Variants in SIPA1L1 observed in about 807,000 individuals in gnomAD.
SIPA1L1 encodes signal induced proliferation associated 1 like 1.
A neutral mutation model predicts 162.7 loss-of-function variants in SIPA1L1; 26 were observed. The ratio of observed to expected loss-of-function variants is 0.16; its 90% confidence interval spans 0.12 to 0.22. The LOEUF (loss-of-function observed/expected upper bound fraction) is 0.22, where lower values mean the gene tolerates loss of function less well. Ranked by LOEUF, SIPA1L1 falls within the 10% of genes least tolerant of loss-of-function variation. The pLI is 1.00. For missense variants in SIPA1L1, 1,874 were observed against 2,241.0 expected (o/e 0.84, Z 3.31); for synonymous variants, 829 against 837.4 (o/e 0.99, Z 0.17).
intron 2 of SIPA1L1, among the ~76,000 whole-genome samples, chr14:71,364,958 G>C (rs144006684): frequency 1.4e-3 from 210 of 152,178 alleles, no homozygotes; most frequent in Non-Finnish European, 2.5e-3. Context: ...TGTTGGCCAG[G>C]CTGGTCTCGA....
chr14:71,340,650 G>C (rs1400851582), intron 2 of SIPA1L1, among the ~76,000 whole-genome samples: 1 of 152,138 alleles, frequency 6.6e-6, no homozygotes, highest in Non-Finnish European at 1.5e-5. Context: ...TTGCATAAGA[G>C]TTAATACCAT....
chr14:71,529,519 G>C (rs1376357972), intron 4 of SIPA1L1, 149 bp downstream of exon 4: 5 of 518,830 alleles, frequency 9.6e-6, no homozygotes, highest in African/African-American at 7.6e-5. Context: ...TTTGTCATCT[G>C]CTTTTTGAAT....
chr14:71,370,926 A>T (rs1447967254), intron 2 of SIPA1L1, among the ~76,000 whole-genome samples: 3 of 152,164 alleles, frequency 2.0e-5, no homozygotes. Flanking sequence ...GCTCTGCAGT[A>T]TCTATTCTAT....
chr14:71,627,609 G>A (rs945556902), intron 7 of SIPA1L1, among the ~76,000 whole-genome samples: 2 of 152,172 alleles, frequency 1.3e-5, no homozygotes, highest in South Asian at 2.1e-4. Context: ...AGTACAGTTG[G>A]GGGCATCTCA....
intron 2 of SIPA1L1, among the ~76,000 whole-genome samples, chr14:71,493,749 T>G (rs1193271400): frequency 1.3e-5 from 2 of 152,210 alleles, no homozygotes; most frequent in Non-Finnish European, 2.9e-5. Flanking sequence ...TTTATTCAAA[T>G]GGATTAAGAA....
chr14:71,388,066 A>G (rs1249449587), intron 2 of SIPA1L1, among the ~76,000 whole-genome samples: 2 of 152,234 alleles, frequency 1.3e-5, no homozygotes, highest in Non-Finnish European at 2.9e-5. Flanking sequence ...TACTTCATAC[A>G]AGGTGTTCAA....
chr14:71,538,090 CCTT>C (rs1455785481), intron 4 of SIPA1L1, among the ~76,000 whole-genome samples: 1 of 152,150 alleles, frequency 6.6e-6, no homozygotes, highest in Non-Finnish European at 1.5e-5. Flanking sequence ...ATGAATTCCT[CCTT>C]CATCAGTTCT....
intron 2 of SIPA1L1, among the ~76,000 whole-genome samples, chr14:71,435,256 A>G (rs1419730690): frequency 6.6e-6 from 1 of 152,038 alleles, no homozygotes; most frequent in East Asian, 1.9e-4. Context: ...TACATGCGCC[A>G]TGTTGGTGTG....
chr14:71,406,023 G>A (rs1446995538), intron 2 of SIPA1L1, among the ~76,000 whole-genome samples: 4 of 152,220 alleles, frequency 2.6e-5, no homozygotes, highest in African/African-American at 7.2e-5. Flanking sequence ...GGAATCTGGG[G>A]TAGCGTCTCG....
intron 5 of SIPA1L1, among the ~76,000 whole-genome samples, chr14:71,614,404 C>G (rs1158660854): frequency 6.6e-6 from 1 of 151,834 alleles, no homozygotes; most frequent in East Asian, 1.9e-4. Context: ...GACAGTGGAC[C>G]AAAACAGAGC....
chr14:71,724,588 A>G, intron 18 of SIPA1L1, 82 bp from the exon 19 acceptor site: 1 of 1,085,310 alleles, frequency 9.2e-7, no homozygotes, highest in African/African-American at 1.6e-5. Context: ...ACTTATATTG[A>G]CTTACATCCT....
At chr14:71,430,247 T>C (rs887077400) in intron 2 of SIPA1L1, among the ~76,000 whole-genome samples, 1 of 151,558 alleles carries the variant, frequency 6.6e-6, no homozygotes, top group African/African-American at 2.4e-5. Context: ...TTTATTCTTT[T>C]CCTTTTTTTT....
chr14:71,492,511 A>T (rs562269312), intron 2 of SIPA1L1, among the ~76,000 whole-genome samples: 1 of 152,178 alleles, frequency 6.6e-6, no homozygotes, highest in African/African-American at 2.4e-5. Context: ...AGTTTTCTGG[A>T]TATAGGTCAT....
chr14:71,414,847 C>A (rs1566992357), intron 2 of SIPA1L1, among the ~76,000 whole-genome samples: 3 of 152,158 alleles, frequency 2.0e-5, no homozygotes, highest in African/African-American at 7.2e-5. Context: ...CTTCGAGTGA[C>A]TGTACTGGCT....
intron 2 of SIPA1L1, among the ~76,000 whole-genome samples, chr14:71,487,066 G>A (rs544160777): frequency 6.6e-6 from 1 of 152,106 alleles, no homozygotes; most frequent in Non-Finnish European, 1.5e-5. Flanking sequence ...CTGATGGCAC[G>A]GTGGTCTTTC....
intron 2 of SIPA1L1, among the ~76,000 whole-genome samples, chr14:71,429,931 A>G (rs549071170): frequency 2.6e-5 from 4 of 152,364 alleles, no homozygotes; most frequent in East Asian, 3.9e-4. Flanking sequence ...GTAAATTACT[A>G]TAATTACCAT....
intron 2 of SIPA1L1, among the ~76,000 whole-genome samples, chr14:71,472,099 C>A (rs996194604): frequency 6.6e-6 from 1 of 152,128 alleles, no homozygotes; most frequent in Non-Finnish European, 1.5e-5. Context: ...ACCACCTCCT[C>A]CTGCGAAGTG....
intron 7 of SIPA1L1, among the ~76,000 whole-genome samples, chr14:71,626,878 T>C (rs1312310719): frequency 6.6e-6 from 1 of 152,098 alleles, no homozygotes; most frequent in Non-Finnish European, 1.5e-5. Context: ...TCTTTGGTGC[T>C]TTAATTCCTC....
chr14:71,491,652 A>G (rs1454398473), intron 2 of SIPA1L1, among the ~76,000 whole-genome samples: 2 of 151,740 alleles, frequency 1.3e-5, no homozygotes, highest in Non-Finnish European at 1.5e-5. Flanking sequence ...CTCCCACCTC[A>G]ACCCCACAAG....
Sources: allele counts gnomAD v4.1 joint callset (sites outside exome capture counted in the v4.1 genomes callset), GRCh38; gene constraint gnomAD v4.1.1; transcripts MANE v1.5; gene names NCBI Gene and HGNC (gene_info 2026-07-23, HGNC 2026-07-21).